Variants in RBFOX1 observed in about 807,000 individuals in gnomAD.
RBFOX1 encodes RNA binding protein fox-1 homolog 1.
A neutral mutation model predicts 57.7 loss-of-function variants in RBFOX1; 8 were observed. The observed-to-expected ratio is 0.14, with a 90% confidence interval of 0.08 to 0.25. The LOEUF is 0.25. RBFOX1 is among the 10% of genes least tolerant of loss of function. The pLI, the probability that RBFOX1 is intolerant of heterozygous loss-of-function variation, is 1.00. For missense variants in RBFOX1, 611 were observed against 548.5 expected (o/e 1.11, Z -1.14); for synonymous variants, 326 against 222.4 (o/e 1.47, Z -4.15).
upstream of RBFOX1, among the ~76,000 whole-genome samples, chr16:6,017,101 C>T (rs911930735): frequency 2.0e-5 from 3 of 151,932 alleles, no homozygotes; most frequent in African/African-American, 7.3e-5. Context: ...GTTTTATTTC[C>T]AATGGTAAAT....
intron 3 of RBFOX1, among the ~76,000 whole-genome samples, chr16:6,946,524 T>C (rs549714870): frequency 6.6e-6 from 1 of 152,330 alleles, no homozygotes. Context: ...CCATCCCTAC[T>C]GTGTTTTCTA....
chr16:7,509,884 AT>A (rs760006338), intron 4 of RBFOX1, among the ~76,000 whole-genome samples: 3 of 152,098 alleles, frequency 2.0e-5, no homozygotes, highest in Non-Finnish European at 4.4e-5. Flanking sequence ...TAGTTTAGTA[AT>A]GAAAAATTCC....
chr16:5,866,465 C>T (rs2057345464), intron 3 of RBFOX1, among the ~76,000 whole-genome samples: 1 of 152,170 alleles, frequency 6.6e-6, no homozygotes, highest in Non-Finnish European at 1.5e-5. Flanking sequence ...TTGGCCAAGT[C>T]ATCCAGGTAT....
intron 3 of RBFOX1, among the ~76,000 whole-genome samples, chr16:6,656,599 GACACACACACACAC>G (rs60723864): frequency 2.7e-5 from 4 of 146,312 alleles, no homozygotes; most frequent in Non-Finnish European, 4.5e-5. Context: ...GGGGAAAATA[GACACACACACACAC>G]ACACACACAC....
intron 3 of RBFOX1, among the ~76,000 whole-genome samples, chr16:5,824,373 C>G (rs970829292): frequency 6.6e-6 from 1 of 152,172 alleles, no homozygotes; most frequent in Admixed American, 6.5e-5. Flanking sequence ...TGTCTCCCTC[C>G]TTGACAGGGA....
chr16:5,811,143 A>ATTTTTTTTTTTTTTTTTT (rs374827330), intron 3 of RBFOX1, among the ~76,000 whole-genome samples: 1 of 104,558 alleles, frequency 9.6e-6, no homozygotes. Flanking sequence ...TATGGAACAA[A>ATTTTTTTTTTTTTTTTTT]TTTTTTTTTT....
At chr16:5,355,345 G>A (rs1044725475) in intron 1 of RBFOX1, among the ~76,000 whole-genome samples, 6 of 152,168 alleles carry the variant, frequency 3.9e-5, no homozygotes, top group African/African-American at 1.4e-4. Context: ...AGATGAGGAA[G>A]GAGCAATTTG....
At chr16:7,558,503 A>G (rs1234265461) in intron 5 of RBFOX1, among the ~76,000 whole-genome samples, 2 of 152,138 alleles carry the variant, frequency 1.3e-5, no homozygotes, top group African/African-American at 2.4e-5. Flanking sequence ...ATTTTCGTAT[A>G]TGTATATACA....
intron 3 of RBFOX1, among the ~76,000 whole-genome samples, chr16:6,976,106 G>T (rs1442583895): frequency 6.6e-6 from 1 of 151,234 alleles, no homozygotes; most frequent in African/African-American, 2.4e-5. Context: ...CAGCCTGGGC[G>T]ACAGAGTGAG....
chr16:7,324,956 C>G (rs372840668), intron 4 of RBFOX1, among the ~76,000 whole-genome samples: 1 of 152,134 alleles, frequency 6.6e-6, no homozygotes, highest in Non-Finnish European at 1.5e-5. Flanking sequence ...AGCCATATAC[C>G]TATCCTTTGT....
intron 2 of RBFOX1, among the ~76,000 whole-genome samples, chr16:5,488,095 ATGGTGATGG>A (rs1256415590): frequency 6.7e-6 from 1 of 148,962 alleles, no homozygotes. Flanking sequence ...TATGGTGATG[ATGGTGATGG>A]TGGTGGTGGT....
chr16:6,813,806 A>G (rs1308076923), intron 3 of RBFOX1, among the ~76,000 whole-genome samples: 1 of 152,174 alleles, frequency 6.6e-6, no homozygotes, highest in Non-Finnish European at 1.5e-5. Context: ...TTCCTGAAGA[A>G]TGAGTGAAGG....
At chr16:5,949,168 C>G (rs35805383) in intron 4 of RBFOX1, among the ~76,000 whole-genome samples, 1 of 152,060 alleles carries the variant, frequency 6.6e-6, no homozygotes, top group Non-Finnish European at 1.5e-5. Context: ...ATTAGCTGAC[C>G]TAAGACATAT....
intron 3 of RBFOX1, among the ~76,000 whole-genome samples, chr16:6,856,216 A>C (rs2057872046): frequency 6.6e-6 from 1 of 151,954 alleles, no homozygotes; most frequent in Non-Finnish European, 1.5e-5. Flanking sequence ...TGTGCCAGCC[A>C]CGAGAAACAT....
chr16:6,845,739 G>C (rs958865374), intron 3 of RBFOX1, among the ~76,000 whole-genome samples: 2 of 152,048 alleles, frequency 1.3e-5, no homozygotes, highest in African/African-American at 4.8e-5. Flanking sequence ...CCTCCTTCCT[G>C]ACCCCCATAC....
chr16:6,968,659 G>C (rs563125670), intron 3 of RBFOX1, among the ~76,000 whole-genome samples: 19 of 152,130 alleles, frequency 1.2e-4, no homozygotes, highest in South Asian at 1.0e-3. Flanking sequence ...CACAGGACTC[G>C]AGGAAGCCCA....
intron 4 of RBFOX1, among the ~76,000 whole-genome samples, chr16:7,475,455 C>T (rs2062463395): frequency 6.6e-6 from 1 of 152,080 alleles, no homozygotes; most frequent in South Asian, 2.1e-4. Flanking sequence ...GCTGGGACTG[C>T]AGGCGCATGC....
intron 4 of RBFOX1, among the ~76,000 whole-genome samples, chr16:7,153,982 ATC>A (rs2076595950): frequency 6.6e-6 from 1 of 152,284 alleles, no homozygotes; most frequent in East Asian, 1.9e-4. Flanking sequence ...TTCTGTTGAC[ATC>A]TGTGTGGATT....
At chr16:7,679,866 A>G (rs561017967) in intron 14 of RBFOX1, among the ~76,000 whole-genome samples, 1 of 152,148 alleles carries the variant, frequency 6.6e-6, no homozygotes, top group Non-Finnish European at 1.5e-5. Context: ...TGACTGGACT[A>G]GGTAATTTTA....
Sources: allele counts gnomAD v4.1 joint callset (sites outside exome capture counted in the v4.1 genomes callset), GRCh38; gene constraint gnomAD v4.1.1; transcripts MANE v1.5; gene names NCBI Gene and HGNC (gene_info 2026-07-23, HGNC 2026-07-21).